Variants in RALYL observed in about 807,000 individuals in gnomAD.
RALYL encodes the protein RNA-binding Raly-like protein.
A neutral mutation model predicts 35.1 loss-of-function variants in RALYL; 29 were observed. That is an observed-to-expected ratio of 0.83 (90% CI 0.61 to 1.13). The LOEUF (loss-of-function observed/expected upper bound fraction) is 1.13. RALYL is among the 50% of genes most tolerant of loss of function. The pLI is 0.00. For synonymous variants in RALYL, 120 were observed against 127.6 expected (o/e 0.94, Z 0.40); for missense variants, 359 against 360.4 (o/e 1.00, Z 0.03).
At chr8:84,908,453 T>G (rs1846910303) in intron 8 of RALYL, among the ~76,000 whole-genome samples, 1 of 152,140 alleles carries the variant, frequency 6.6e-6, no homozygotes, top group Admixed American at 6.6e-5. Flanking sequence ...CATGCAGTAT[T>G]TGTCTTTCTG....
At chr8:84,634,915 A>G (rs1036988049) in intron 2 of RALYL, among the ~76,000 whole-genome samples, 2 of 151,770 alleles carry the variant, frequency 1.3e-5, no homozygotes, top group Non-Finnish European at 2.9e-5. Context: ...TATTGAGTTG[A>G]AGCCTTTAAT....
At chr8:84,797,913 T>C (rs757165005) in intron 3 of RALYL, among the ~76,000 whole-genome samples, 3 of 152,202 alleles carry the variant, frequency 2.0e-5, no homozygotes, top group Non-Finnish European at 4.4e-5. Flanking sequence ...ACAGGTTTTC[T>C]CAGTCAGTCA....
At chr8:84,187,835 G>A (rs62528124) in intron 1 of RALYL, among the ~76,000 whole-genome samples, 13,102 of 151,998 alleles carry the variant, frequency 0.086, 630 homozygotes, top group East Asian at 0.24. Context: ...GGTCTGTTGC[G>A]TTTTTGCAAC....
At chr8:84,867,542 G>A (rs567529468) in intron 6 of RALYL, among the ~76,000 whole-genome samples, 2 of 152,046 alleles carry the variant, frequency 1.3e-5, no homozygotes, top group Non-Finnish European at 2.9e-5. Flanking sequence ...TGCATCAGTC[G>A]GTGAAACAAG....
intron 2 of RALYL, among the ~76,000 whole-genome samples, chr8:84,720,358 A>T (rs12114759): frequency 0.24 from 36,293 of 152,102 alleles, 4,537 homozygotes; most frequent in African/African-American, 0.28. Context: ...GTATACTTAC[A>T]GCCAACTGAT....
In RALYL at chr8:84,253,263, C is replaced by A. The variant is rs1830578229; in HGVS notation, c.-24+68839C>A. On this transcript the variant is annotated intron_variant, in intron 1 of 8. Coordinates refer to ENST00000521268, the MANE Select transcript of RALYL (RefSeq NM_173848.7). Reference sequence around the variant, plus strand: ...GGAATGCAGTGGTGCGATCTCAGCTCACTTCAACCTCCACCTTCCGGGTTC... The same window carrying A: ...GGAATGCAGTGGTGCGATCTCAGCTAACTTCAACCTCCACCTTCCGGGTTC... Among the ~76,000 whole-genome samples, 3 of 138,054 alleles carry A rather than the reference C, an allele frequency of 2.2e-5. No homozygotes were observed. The Admixed American group carries it at 2.3e-4, about 10-fold the overall frequency. 90.6% of individuals were successfully genotyped at this position (138,054 alleles called of 152,430 possible). A position where few individuals can be genotyped will look rare whatever the true frequency, so the allele number is the denominator to read the frequency against.
chr8:84,399,363 A>G (rs2042668025), intron 1 of RALYL, among the ~76,000 whole-genome samples: 1 of 152,236 alleles, frequency 6.6e-6, no homozygotes, highest in Non-Finnish European at 1.5e-5. Context: ...CCTCTGTAGG[A>G]CATCAGAATC....
At chr8:84,330,908 T>G (rs1023959637) in intron 1 of RALYL, among the ~76,000 whole-genome samples, 1 of 152,106 alleles carries the variant, frequency 6.6e-6, no homozygotes, top group Non-Finnish European at 1.5e-5. Context: ...AACTGCATTA[T>G]GTTCATTTGC....
intron 5 of RALYL, among the ~76,000 whole-genome samples, chr8:84,850,398 A>G (rs1328703183): frequency 2.0e-5 from 3 of 152,244 alleles, no homozygotes; most frequent in Admixed American, 6.5e-5. Context: ...AGTCCATAAT[A>G]AAACATTGAA....
At chr8:84,696,228 G>T (rs973070515) in intron 2 of RALYL, among the ~76,000 whole-genome samples, 1 of 151,174 alleles carries the variant, frequency 6.6e-6, no homozygotes, top group South Asian at 2.1e-4. Flanking sequence ...GGGATCATAT[G>T]TTAAATCCTA....
rs141325711 is a variant in RALYL, at chr8:84,921,391, C to T, written c.*480C>T. ...TATTTATAATTTATAGTTTAAAGTA[C>T]TTCAGATCATAATGATAAAATACTT... On this transcript the variant is annotated 3_prime_UTR_variant, in exon 9 of 9. Transcript: ENST00000521268. 6.6e-6 allele frequency: 1 copy of T among 152,180 alleles called. No individual in the cohort carries two copies. Among genetic ancestry groups the T allele is most frequent in the Admixed American group, 6.5e-5 (1 of 15,278 alleles). 9.4% of individuals were successfully genotyped at this position (152,180 alleles called of 1,614,324 possible).
In RALYL at chr8:84,721,265, A is replaced by G. The variant is rs144147767; in HGVS notation, c.257-53314A>G. On this transcript the variant is annotated intron_variant, in intron 2 of 8. Transcript: ENST00000521268. Reference sequence around the variant, plus strand: ...AAATAAAACTACCATGTGATCCAGCAGTTTCATTACTGAGTACTGGTTATA... The same window carrying G: ...AAATAAAACTACCATGTGATCCAGCGGTTTCATTACTGAGTACTGGTTATA... 3.9e-5 allele frequency among the ~76,000 whole-genome samples: 6 copies of G among 152,202 alleles called. No individual in the cohort carries two copies. In the East Asian group the frequency reaches 9.7e-4, roughly 24 times the overall value.
At chr8:84,361,830 G>A (rs1287884642) in intron 1 of RALYL, among the ~76,000 whole-genome samples, 1 of 152,188 alleles carries the variant, frequency 6.6e-6, no homozygotes, top group African/African-American at 2.4e-5. Context: ...GATAAATTGT[G>A]CAAGCCTTCA....
intron 1 of RALYL, among the ~76,000 whole-genome samples, chr8:84,340,000 T>G (rs1472493134): frequency 1.3e-5 from 2 of 152,114 alleles, no homozygotes; most frequent in Non-Finnish European, 1.5e-5. Context: ...TCCCATGCTG[T>G]TCCCGTGATA....
intron 2 of RALYL, among the ~76,000 whole-genome samples, chr8:84,758,007 T>C (rs1214485408): frequency 6.6e-6 from 1 of 152,172 alleles, no homozygotes; most frequent in Non-Finnish European, 1.5e-5. Flanking sequence ...CCTTTGTTGA[T>C]TTCCAAGTAG....
chr8:84,718,169 T>C (rs1293787715), intron 2 of RALYL, among the ~76,000 whole-genome samples: 2 of 152,180 alleles, frequency 1.3e-5, no homozygotes, highest in Non-Finnish European at 2.9e-5. Context: ...AATCAGATTA[T>C]TACCAAATTA....
intron 4 of RALYL, among the ~76,000 whole-genome samples, chr8:84,845,493 T>C (rs1834447811): frequency 6.6e-6 from 1 of 152,216 alleles, no homozygotes. Context: ...TCTGTTCATG[T>C]CTTTTGCCTT....
chr8:84,481,490 T>C (rs2054034487), intron 1 of RALYL, among the ~76,000 whole-genome samples: 1 of 152,122 alleles, frequency 6.6e-6, no homozygotes, highest in South Asian at 2.1e-4. Context: ...TATTTTGAAA[T>C]TTATCAAACA....
At chr8:84,597,299 T>C (rs1814796742) in intron 2 of RALYL, among the ~76,000 whole-genome samples, 1 of 152,182 alleles carries the variant, frequency 6.6e-6, no homozygotes, top group African/African-American at 2.4e-5. Flanking sequence ...CTCTATGATA[T>C]TTTATGGCAC....
Sources: allele counts gnomAD v4.1 joint callset (sites outside exome capture counted in the v4.1 genomes callset), GRCh38; gene constraint gnomAD v4.1.1; transcripts MANE v1.5; gene names NCBI Gene and HGNC (gene_info 2026-07-23, HGNC 2026-07-21).